TRPM3: variants seen among roughly 807,000 people sequenced by gnomAD.
TRPM3 encodes the protein transient receptor potential cation channel subfamily M member 3.
Under a neutral mutation model 181.2 loss-of-function variants are expected in TRPM3, and 77 were observed. That is an observed-to-expected ratio of 0.42 (90% CI 0.35 to 0.51). The LOEUF is 0.51. TRPM3 is among the 20% of genes least tolerant of loss of function. The pLI, the probability that TRPM3 is intolerant of heterozygous loss-of-function variation, is 0.01. For synonymous variants in TRPM3, 745 were observed against 796.4 expected, an observed-to-expected ratio of 0.94 and a Z score of 1.09; for missense variants, 1,759 against 2,196.7, an observed-to-expected ratio of 0.80 and a Z score of 3.98.
intron 1 of TRPM3, among the ~76,000 whole-genome samples, chr9:71,210,664 A>G (rs1337566281): frequency 6.6e-6 from 1 of 152,138 alleles, no homozygotes; most frequent in Non-Finnish European, 1.5e-5. Context: ...CAAGAACAAG[A>G]TATTGTTGTT....
rs1473726167 is a variant in TRPM3, at chr9:70,533,672, G to C, written c.*2281C>G. On this transcript the variant is annotated 3_prime_UTR_variant, in exon 26 of 26. Coordinates refer to ENST00000677713, the MANE Select transcript of TRPM3 (RefSeq NM_001366145.2). ...TCATGACTCAAGGAAGTTTAAGAACGACTGATTTATTCTCAGACCCAGTGC... is the reference window on the plus strand; with the variant it reads ...TCATGACTCAAGGAAGTTTAAGAACCACTGATTTATTCTCAGACCCAGTGC... 6.6e-6 allele frequency: 1 copy of C among 151,992 alleles called. No individual in the cohort carries two copies. Among genetic ancestry groups the C allele is most frequent in the Non-Finnish European group, 1.5e-5 (1 of 68,004 alleles). 9.4% of individuals were successfully genotyped at this position (151,992 alleles called of 1,614,324 possible). A position where few individuals can be genotyped will look rare whatever the true frequency, so the allele number is the denominator to read the frequency against.
chr9:71,272,367 A>T (rs1033869462), intron 1 of TRPM3, among the ~76,000 whole-genome samples: 43 of 152,310 alleles, frequency 2.8e-4, no homozygotes, highest in African/African-American at 9.1e-4. Flanking sequence ...AAAATATTTT[A>T]AAAATGAGTC....
chr9:70,683,428 C>CTTTTTTTTTTTTTTTT lies in TRPM3; in HGVS notation c.1273-1866_1273-1851dup, dbSNP rs575176948. ...CCTTTTCTCTCTTTCTCTCTCTCTC[C>CTTTTTTTTTTTTTTTT]TTTTTTTTTTTTTTTTTTTTTTTTT... On this transcript the variant is annotated intron_variant, in intron 8 of 25. Transcript: ENST00000677713. 2.6e-3 allele frequency among the ~76,000 whole-genome samples: 149 copies of CTTTTTTTTTTTTTTTT among 57,464 alleles called. 14 individuals are homozygous for CTTTTTTTTTTTTTTTT. Among genetic ancestry groups the CTTTTTTTTTTTTTTTT allele is most frequent in the Non-Finnish European group, 3.6e-3 (112 of 30,782 alleles). 37.7% of individuals were successfully genotyped at this position (57,464 alleles called of 152,430 possible). A position where few individuals can be genotyped will look rare whatever the true frequency, so the allele number is the denominator to read the frequency against.
At chr9:70,889,989 A>T (rs2096170272) in intron 1 of TRPM3, among the ~76,000 whole-genome samples, 1 of 148,168 alleles carries the variant, frequency 6.7e-6, no homozygotes, top group Non-Finnish European at 1.5e-5. Flanking sequence ...ATAGCATATT[A>T]TATATTTATA....
At chr9:71,136,471 T>C (rs529146890) in intron 1 of TRPM3, among the ~76,000 whole-genome samples, 21 of 152,300 alleles carry the variant, frequency 1.4e-4, no homozygotes, top group Middle Eastern at 3.4e-3. Context: ...GACCATATTG[T>C]GACTGGAACC....
intron 6 of TRPM3, among the ~76,000 whole-genome samples, chr9:70,798,442 T>A (rs2087849691): frequency 6.6e-6 from 1 of 152,218 alleles, no homozygotes; most frequent in African/African-American, 2.4e-5. Context: ...AGGCCCTTTT[T>A]AACTTCCTCA....
At chr9:70,983,396 TA>T (rs1248307975) in intron 1 of TRPM3, among the ~76,000 whole-genome samples, 3 of 152,144 alleles carry the variant, frequency 2.0e-5, no homozygotes, top group African/African-American at 7.2e-5. Flanking sequence ...GCCTACCAGA[TA>T]TACAGACTTA....
rs183245938 is a variant in TRPM3, at chr9:71,278,744, A to C, written c.183+167909T>G. ...ACCTGACAGAAAGGAATAGATTGAC[A>C]GATTTGATCAGAAATAACCTGGACA... On this transcript the variant is annotated intron_variant, in intron 1 of 24. Transcript: ENST00000357533. Among the ~76,000 whole-genome samples, 38 of 152,292 alleles carry C rather than the reference A, an allele frequency of 2.5e-4. No individual in the cohort carries two copies. In the East Asian group the frequency reaches 5.4e-3, roughly 22 times the overall value.
chr9:70,851,405 G>A (rs1366311524), intron 3 of TRPM3, among the ~76,000 whole-genome samples: 1 of 152,138 alleles, frequency 6.6e-6, no homozygotes, highest in African/African-American at 2.4e-5. Context: ...ACATATTATG[G>A]AGTTCAATTA....
At chr9:70,878,592 A>C (rs2095916843) in intron 1 of TRPM3, among the ~76,000 whole-genome samples, 1 of 152,078 alleles carries the variant, frequency 6.6e-6, no homozygotes, top group Non-Finnish European at 1.5e-5. Context: ...TTACATTACA[A>C]ACTGATACTT....
At chr9:71,282,204 G>T (rs1207503895) in intron 1 of TRPM3, among the ~76,000 whole-genome samples, 1 of 40,142 alleles carries the variant, frequency 2.5e-5, no homozygotes, top group Non-Finnish European at 5.2e-5. Context: ...AAGAATGAAA[G>T]AAAGAAAGAA....
chr9:70,965,362 T>TC (rs937380789), intron 1 of TRPM3, among the ~76,000 whole-genome samples: 40 of 152,084 alleles, frequency 2.6e-4, no homozygotes, highest in African/African-American at 4.6e-4. Context: ...TTGCATTTTA[T>TC]CCCCCCCTTT....
chr9:70,819,921 T>G (rs891324260), intron 6 of TRPM3, among the ~76,000 whole-genome samples: 6 of 152,298 alleles, frequency 3.9e-5, no homozygotes, highest in African/African-American at 1.2e-4. Flanking sequence ...ACAACTAGAT[T>G]TCTGTCCTCT....
chr9:70,942,643 C>G (rs1440225848), intron 1 of TRPM3, among the ~76,000 whole-genome samples: 1 of 152,172 alleles, frequency 6.6e-6, no homozygotes, highest in Non-Finnish European at 1.5e-5. Context: ...TTTATCTCCA[C>G]TAGCATGGCT....
chr9:70,610,059 A>G (rs2061777791), intron 19 of TRPM3, among the ~76,000 whole-genome samples: 1 of 152,226 alleles, frequency 6.6e-6, no homozygotes, highest in African/African-American at 2.4e-5. Flanking sequence ...TTTGCCTTTG[A>G]GTAGTTTTTG....
At chr9:71,268,557 G>T (rs1673132208) in intron 1 of TRPM3, among the ~76,000 whole-genome samples, 1 of 152,102 alleles carries the variant, frequency 6.6e-6, no homozygotes, top group Non-Finnish European at 1.5e-5. Context: ...GGGCACGGTG[G>T]CTCACGCCTG....
chr9:70,605,712 A>AAAT, intron 19 of TRPM3, among the ~76,000 whole-genome samples: 1 of 152,132 alleles, frequency 6.6e-6, no homozygotes, highest in East Asian at 1.9e-4. Context: ...TAAAACTCTA[A>AAAT]AATATACTCT....
At chr9:71,008,792 C>T (rs181128720) in intron 1 of TRPM3, among the ~76,000 whole-genome samples, 2 of 152,304 alleles carry the variant, frequency 1.3e-5, no homozygotes, top group Admixed American at 1.3e-4. Flanking sequence ...TTGCAGTGAG[C>T]CAAGATCACG....
At chr9:70,596,139 ATTAT>A (rs2058976624) in intron 21 of TRPM3, among the ~76,000 whole-genome samples, 1 of 152,184 alleles carries the variant, frequency 6.6e-6, no homozygotes, top group African/African-American at 2.4e-5. Flanking sequence ...TTTAGTATGT[ATTAT>A]TTCTAATAAT....
Sources: allele counts gnomAD v4.1 joint callset (sites outside exome capture counted in the v4.1 genomes callset), GRCh38; gene constraint gnomAD v4.1.1; transcripts MANE v1.5; gene names NCBI Gene and HGNC (gene_info 2026-07-23, HGNC 2026-07-21).